The following PDZRN4 variants were observed in gnomAD, a reference collection of about 807,000 sequenced individuals.
PDZRN4 encodes the protein PDZ domain-containing RING finger protein 4.
PDZRN4 carries 70 observed loss-of-function variants against 99.0 expected under a neutral mutation model. That is an observed-to-expected ratio of 0.71 (90% CI 0.58 to 0.86). PDZRN4 has a LOEUF of 0.86. Ranked by LOEUF, PDZRN4 falls within the 40% of genes least tolerant of loss-of-function variation. The pLI, the probability that PDZRN4 is intolerant of heterozygous loss-of-function variation, is 0.00. For synonymous variants in PDZRN4, 551 were observed against 501.6 expected (o/e 1.10, Z -1.32); for missense variants, 1,474 against 1,331.2 (o/e 1.11, Z -1.67).
intron 3 of PDZRN4, among the ~76,000 whole-genome samples, chr12:41,467,303 G>A (rs1184271435): frequency 6.6e-6 from 1 of 152,098 alleles, no homozygotes; most frequent in Non-Finnish European, 1.5e-5. Context: ...AAACTAATGA[G>A]AATTTTAGTT....
At chr12:41,418,291 G>C (rs1447272292) in intron 3 of PDZRN4, among the ~76,000 whole-genome samples, 1 of 152,140 alleles carries the variant, frequency 6.6e-6, no homozygotes, top group Non-Finnish European at 1.5e-5. Flanking sequence ...ATTGAAAGTA[G>C]AGTGTCATCC....
chr12:41,423,843 C>A (rs1243478336), intron 3 of PDZRN4, among the ~76,000 whole-genome samples: 1 of 152,074 alleles, frequency 6.6e-6, no homozygotes, highest in Non-Finnish European at 1.5e-5. Context: ...ATATGAGGAT[C>A]AGTCATTTCA....
chr12:41,445,213 A>G (rs1330602518), intron 3 of PDZRN4, among the ~76,000 whole-genome samples: 1 of 152,058 alleles, frequency 6.6e-6, no homozygotes, highest in Non-Finnish European at 1.5e-5. Flanking sequence ...ATATGCTTAG[A>G]TATTTGACTC....
chr12:41,456,234 A>G (rs929268319), intron 3 of PDZRN4, among the ~76,000 whole-genome samples: 1 of 152,218 alleles, frequency 6.6e-6, no homozygotes, highest in Non-Finnish European at 1.5e-5. Context: ...AGAACACTGC[A>G]TCCTGATAGC....
chr12:41,250,781 C>T (rs1452190913), intron 3 of PDZRN4, among the ~76,000 whole-genome samples: 1 of 152,154 alleles, frequency 6.6e-6, no homozygotes, highest in Non-Finnish European at 1.5e-5. Context: ...GTAAATCTTT[C>T]CTGGGTGTTT....
chr12:41,299,491 T>G (rs921395273), intron 3 of PDZRN4, among the ~76,000 whole-genome samples: 5 of 152,110 alleles, frequency 3.3e-5, no homozygotes, highest in Non-Finnish European at 5.9e-5. Flanking sequence ...GCTATTTTCT[T>G]GCCCAGAATT....
intron 3 of PDZRN4, among the ~76,000 whole-genome samples, chr12:41,482,148 T>C (rs193004915): frequency 4.6e-5 from 7 of 152,254 alleles, no homozygotes; most frequent in African/African-American, 1.7e-4. Flanking sequence ...TTTAGACTTT[T>C]CCTCATTGTC....
intron 3 of PDZRN4, among the ~76,000 whole-genome samples, chr12:41,361,968 T>C (rs1951966377): frequency 6.6e-6 from 1 of 152,012 alleles, no homozygotes. Context: ...TGAAGCCATT[T>C]GTTGGCATTA....
intron 3 of PDZRN4, among the ~76,000 whole-genome samples, chr12:41,435,258 A>G (rs1355380824): frequency 6.6e-6 from 1 of 152,198 alleles, no homozygotes; most frequent in Admixed American, 6.5e-5. Flanking sequence ...CTTTTTGATA[A>G]ATAAGAAAAT....
chr12:41,286,011 G>GA (rs1048297893), intron 3 of PDZRN4, among the ~76,000 whole-genome samples: 7 of 151,516 alleles, frequency 4.6e-5, no homozygotes, highest in South Asian at 2.1e-4. Context: ...TTAAAAAAGA[G>GA]AAAAAAAATA....
intron 9 of PDZRN4, among the ~76,000 whole-genome samples, chr12:41,568,637 G>C (rs147607783): frequency 9.9e-5 from 15 of 152,238 alleles, no homozygotes; most frequent in African/African-American, 3.1e-4. Context: ...AAAGATCACA[G>C]TGTGATTAGT....
intron 3 of PDZRN4, among the ~76,000 whole-genome samples, chr12:41,364,988 G>GC (rs35956426): frequency 0.066 from 9,972 of 152,036 alleles, 820 homozygotes; most frequent in East Asian, 0.18. Context: ...AGTTTTTCTA[G>GC]CCCCCTAGGG....
chr12:41,461,190 C>T (rs2120534532), intron 3 of PDZRN4, among the ~76,000 whole-genome samples: 1 of 146,458 alleles, frequency 6.8e-6, no homozygotes, highest in South Asian at 2.2e-4. Context: ...CATTGTGCTG[C>T]ATGAGTATTA....
chr12:41,270,336 G>A (rs1043945154), intron 3 of PDZRN4, among the ~76,000 whole-genome samples: 7 of 150,340 alleles, frequency 4.7e-5, no homozygotes, highest in Admixed American at 1.3e-4. Flanking sequence ...CTGTGTGTGT[G>A]TGTGTGTGTG....
intron 3 of PDZRN4, among the ~76,000 whole-genome samples, chr12:41,396,910 A>G (rs995372106): frequency 3.3e-5 from 5 of 152,160 alleles, no homozygotes; most frequent in Non-Finnish European, 5.9e-5. Flanking sequence ...GCACAGTGAG[A>G]ATGTCGGGTA....
At chr12:41,254,233 C>T (rs1044436335) in intron 3 of PDZRN4, among the ~76,000 whole-genome samples, 2 of 152,016 alleles carry the variant, frequency 1.3e-5, no homozygotes, top group Admixed American at 1.3e-4. Context: ...AGATCAGAAG[C>T]AGCCACAGTT....
intron 3 of PDZRN4, among the ~76,000 whole-genome samples, chr12:41,447,571 G>C (rs1481155504): frequency 6.6e-6 from 1 of 152,072 alleles, no homozygotes; most frequent in Non-Finnish European, 1.5e-5. Flanking sequence ...TACGTTTAAA[G>C]GGTATAACAC....
chr12:41,437,740 A>G (rs1266447736), intron 3 of PDZRN4: 1 of 1,473,968 alleles, frequency 6.8e-7, no homozygotes, highest in Non-Finnish European at 8.9e-7. Flanking sequence ...CGTGAGTGCA[A>G]GATACTTAGG....
At chr12:41,329,140 G>A (rs1951727957) in intron 3 of PDZRN4, among the ~76,000 whole-genome samples, 1 of 152,092 alleles carries the variant, frequency 6.6e-6, no homozygotes, top group Non-Finnish European at 1.5e-5. Flanking sequence ...CTTCTTGACA[G>A]CATCCGCTGC....
Sources: gnomAD v4.1 joint callset for allele counts (sites outside exome capture counted in the v4.1 genomes callset) on GRCh38, gnomAD v4.1.1 for gene constraint, MANE v1.5 for transcripts, NCBI Gene and HGNC (gene_info 2026-07-23, HGNC 2026-07-21) for gene names.